AATF: variants seen among roughly 807,000 people sequenced by gnomAD.
AATF encodes the protein protein AATF.
In AATF, 48 loss-of-function variants were observed where a neutral mutation model predicts 63.7. The ratio of observed to expected loss-of-function variants is 0.75; its 90% CI spans 0.60 to 0.96. AATF has a LOEUF of 0.96. Ranked by LOEUF, AATF falls within the 40% of genes least tolerant of loss-of-function variation. The pLI, the probability that AATF is intolerant of heterozygous loss-of-function variation, is 0.00. For missense variants in AATF, 639 were observed against 685.7 expected, an observed-to-expected ratio of 0.93 and a Z score of 0.76; for synonymous variants, 258 against 247.7, an observed-to-expected ratio of 1.04 and a Z score of -0.39.
intron 9 of AATF, 75 bp downstream of exon 9, chr17:37,019,147 A>G: frequency 8.4e-7 from 1 of 1,192,976 alleles, no homozygotes. Flanking sequence ...CTTTAATTCT[A>G]CCTGCAAAGC....
At chr17:37,040,702 T>C (rs1374966229) in intron 11 of AATF, among the ~76,000 whole-genome samples, 2 of 148,256 alleles carry the variant, frequency 1.3e-5, no homozygotes, top group Non-Finnish European at 3.0e-5. Flanking sequence ...AGCTACTCTT[T>C]CAAAAACTTA....
At chr17:37,056,455 A>C in intron 11 of AATF, 146 bp from the exon 12 acceptor site, 1 of 717,868 alleles carries the variant, frequency 1.4e-6, no homozygotes, top group Admixed American at 2.8e-5. Context: ...TGTATTTGTG[A>C]GTAAGAGCTG....
chr17:36,984,734 C>G (rs2071153609), intron 4 of AATF, among the ~76,000 whole-genome samples: 2 of 151,866 alleles, frequency 1.3e-5, no homozygotes, highest in South Asian at 4.2e-4. Flanking sequence ...CTCCTGGGCT[C>G]CAGCAATCCT....
chr17:37,010,972 T>C (rs2071386141), intron 8 of AATF, among the ~76,000 whole-genome samples: 1 of 152,122 alleles, frequency 6.6e-6, no homozygotes, highest in Admixed American at 6.5e-5. Context: ...TTGAGTACAA[T>C]GAGGAGACAA....
intron 11 of AATF, among the ~76,000 whole-genome samples, chr17:37,035,566 T>G (rs2071585436): frequency 1.4e-5 from 2 of 144,912 alleles, no homozygotes. Flanking sequence ...TGAGATGGAG[T>G]CTTGCTCTGT....
chr17:36,953,348 T>G (rs772595557), intron 3 of AATF, 52 bp downstream of exon 3: 3 of 1,571,496 alleles, frequency 1.9e-6, no homozygotes, highest in Non-Finnish European at 2.6e-6. Flanking sequence ...CTGCATTTGG[T>G]CTACTTTTCA....
At chr17:36,997,503 G>A (rs2071263152) in intron 8 of AATF, among the ~76,000 whole-genome samples, 1 of 152,170 alleles carries the variant, frequency 6.6e-6, no homozygotes, top group African/African-American at 2.4e-5. Flanking sequence ...TCAGGGAAAT[G>A]CAAATCGAAA....
intron 10 of AATF, among the ~76,000 whole-genome samples, chr17:37,026,154 A>G (rs1233700682): frequency 6.6e-6 from 1 of 152,240 alleles, no homozygotes; most frequent in African/African-American, 2.4e-5. Context: ...ATAAATGACC[A>G]GTACTCATCA....
chr17:37,012,375 C>T (rs929090003), intron 8 of AATF, among the ~76,000 whole-genome samples: 3 of 152,058 alleles, frequency 2.0e-5, no homozygotes, highest in Non-Finnish European at 4.4e-5. Context: ...ATTTGAAAGA[C>T]TAGGGAGCTG....
At chr17:36,986,876 C>A in intron 5 of AATF, 145 bp downstream of exon 5, 1 of 676,826 alleles carries the variant, frequency 1.5e-6, no homozygotes, top group Non-Finnish European at 2.5e-6. Flanking sequence ...GTCAGGATGG[C>A]ACATAAGTTG....
intron 9 of AATF, 52 bp downstream of exon 9, chr17:37,019,124 T>C: frequency 3.6e-6 from 5 of 1,406,138 alleles, no homozygotes; most frequent in Non-Finnish European, 5.0e-6. Context: ...TAATAGTTTC[T>C]CCCCTTGAGT....
intron 10 of AATF, among the ~76,000 whole-genome samples, chr17:37,025,403 G>GA (rs1256098152): frequency 6.6e-6 from 1 of 152,130 alleles, no homozygotes; most frequent in Non-Finnish European, 1.5e-5. Context: ...CAAGAATACA[G>GA]AGTGACAAGA....
At chr17:37,038,444 T>C (rs2071610342) in intron 11 of AATF, among the ~76,000 whole-genome samples, 1 of 152,134 alleles carries the variant, frequency 6.6e-6, no homozygotes, top group South Asian at 2.1e-4. Flanking sequence ...TCTGTTGGCA[T>C]TGGTTTTGGC....
intron 8 of AATF, among the ~76,000 whole-genome samples, chr17:37,016,255 GAA>G (rs1441716655): frequency 3.9e-5 from 6 of 152,202 alleles, no homozygotes; most frequent in Admixed American, 3.9e-4. Context: ...GAGGGGTTGA[GAA>G]GAGATAAACT....
At position 37,021,804 on chromosome 17, in the gene AATF, CA is replaced by C. The variant is rs1246008885; in HGVS notation, c.1547+807del. 1.3e-3 allele frequency among the ~76,000 whole-genome samples: 123 copies of C among 91,566 alleles called. 7 individuals carry two copies. The highest frequency in any genetic ancestry group is 1.8e-3 in the African/African-American group (34 of 18,392). The allele number at this position is 91,566 out of a possible 152,430, so 60.1% of individuals were successfully genotyped here. A position where few individuals can be genotyped will look rare whatever the true frequency, so the allele number is the denominator to read the frequency against. ...TGGGCGACAGAGCGAGACTCCGTCT[CA>C]AAAAAAAAAAAAAAAATAATAATAA... On this transcript the variant is annotated intron_variant, in intron 10 of 11. Coordinates refer to ENST00000619387, the MANE Select transcript of AATF (RefSeq NM_012138.4).
At chr17:37,050,008 C>T (rs910112855) in intron 11 of AATF, among the ~76,000 whole-genome samples, 3 of 152,186 alleles carry the variant, frequency 2.0e-5, no homozygotes, top group Admixed American at 1.3e-4. Context: ...CATAGGAGTG[C>T]AGTCAGGATG....
chr17:36,988,662 AC>A lies in AATF; in HGVS notation c.1093del (p.Arg365AlafsTer29). The A allele has an allele frequency of 6.2e-7, 1 of 1,614,120 alleles. No individual in the cohort carries two copies. Among genetic ancestry groups the A allele is most frequent in the Non-Finnish European group, 8.5e-7 (1 of 1,180,008 alleles). On this transcript the variant is annotated frameshift_variant, in exon 6 of 12. Coordinates refer to ENST00000619387, the MANE Select transcript of AATF (RefSeq NM_012138.4). LOFTEE classifies it high-confidence loss of function. The part of the protein sequence containing the change: ...KRFADFTVYR[N>X]RTLQKWHDKT... ...TTTGCCGACTTTACAGTCTACAGGAACCGCACACTTCAGAAATGGCACGATA... is the reference window on the plus strand; with the variant it reads ...TTTGCCGACTTTACAGTCTACAGGAACGCACACTTCAGAAATGGCACGATA...
intron 4 of AATF, among the ~76,000 whole-genome samples, chr17:36,980,916 T>TC (rs1374790174): frequency 3.3e-5 from 5 of 151,476 alleles, no homozygotes; most frequent in African/African-American, 1.2e-4. Context: ...TTTTTTTTTT[T>TC]GGTGGTTAGA....
rs577585329 is a variant in AATF at position 37,053,286 on chromosome 17, T to C, written c.1620-3315T>C. On this transcript the variant is annotated intron_variant, in intron 11 of 11. Coordinates refer to ENST00000619387, the MANE Select transcript of AATF (RefSeq NM_012138.4). ...TACTAAATTTTCACTAAAATTAGGA[T>C]ATATTATATCATATTATTATATATT... Among the ~76,000 whole-genome samples, 28 of 152,018 alleles carry C rather than the reference T, an allele frequency of 1.8e-4. 1 individual carries two copies. Among genetic ancestry groups the C allele is most frequent in the Non-Finnish European group, 7.4e-5 (5 of 67,948 alleles).
Sources: gnomAD v4.1 joint callset for allele counts (sites outside exome capture counted in the v4.1 genomes callset) on GRCh38, gnomAD v4.1.1 for gene constraint, MANE v1.5 for transcripts, NCBI Gene and HGNC (gene_info 2026-07-23, HGNC 2026-07-21) for gene names.